Variants in CEP104 observed in about 807,000 individuals in gnomAD.
CEP104 encodes centrosomal protein of 104 kDa.
In CEP104, 84 loss-of-function variants were observed where a neutral mutation model predicts 113.3. The observed-to-expected ratio is 0.74, with a 90% CI of 0.62 to 0.89. The LOEUF (loss-of-function observed/expected upper bound fraction) is 0.89, where lower values mean the gene tolerates loss of function less well. Ranked by LOEUF, CEP104 falls within the 40% of genes least tolerant of loss-of-function variation. The pLI, the probability that CEP104 is intolerant of heterozygous loss-of-function variation, is 0.00. For synonymous variants in CEP104, 378 were observed against 421.7 expected (o/e 0.90, Z 1.27); for missense variants, 1,053 against 1,156.6 (o/e 0.91, Z 1.30).
Position 3,836,578 on chromosome 1 carries a change from C to T in CEP104, c.1234G>A (p.Gly412Ser), listed in dbSNP as rs548273305. The change falls in exon 10 of 22, where the codon GGC (glycine) becomes AGC (serine). Residue 412 changes from glycine to serine, a missense_variant. Physicochemically the swap from Gly to Ser is moderately conservative, Grantham distance 56. Transcript: ENST00000378230. The part of the protein sequence containing the change: ...NADISDARRG[G>S]MLGEPEPLTE... ...AAGGGCTCTGGCTCCCCTAACATGC[C>T]TCCCCTCCGAGCATCGCTGATGTCT... 1 of 1,610,478 alleles carries T rather than the reference C, an allele frequency of 6.2e-7. No homozygotes were observed. Among genetic ancestry groups the T allele is most frequent in the East Asian group, 2.2e-5 (1 of 44,750 alleles).
chr1:3,821,944 C>T (rs1302236472), intron 20 of CEP104, among the ~76,000 whole-genome samples: 2 of 152,182 alleles, frequency 1.3e-5, no homozygotes, highest in Non-Finnish European at 2.9e-5. Context: ...GATGAGATGG[C>T]GGCAATGTGA....
At chr1:3,851,899 G>A (rs1196963466) in intron 2 of CEP104, among the ~76,000 whole-genome samples, 4 of 152,054 alleles carry the variant, frequency 2.6e-5, no homozygotes, top group Non-Finnish European at 5.9e-5. Context: ...TATAAAAACA[G>A]TTAGACACAC....
Position 3,848,718 on chromosome 1 carries a change from C to A in CEP104, c.177G>T (p.Leu59=). 1 of 1,613,638 alleles carries A rather than the reference C, an allele frequency of 6.2e-7. No homozygotes were observed. Among genetic ancestry groups the A allele is most frequent in the Non-Finnish European group, 8.5e-7 (1 of 1,179,828 alleles). Residue 59 remains leucine, a synonymous_variant, in exon 3 of 22, where the codon CTG becomes CTT. Transcript: ENST00000378230. ...QMVERCRIRK[L]QLLAHQYMIS... is the part of the protein sequence containing the mutation. ...TCATATACTGGTGAGCAAGTAACTG[C>A]AGTTTCCTTATTCGACATCTCTCCA...
At chr1:3,818,637 C>G (rs1643916071) in intron 20 of CEP104, among the ~76,000 whole-genome samples, 1 of 152,254 alleles carries the variant, frequency 6.6e-6, no homozygotes, top group Non-Finnish European at 1.5e-5. Context: ...GCCTTCCACT[C>G]ACTTTGAAGA....
intron 4 of CEP104, among the ~76,000 whole-genome samples, chr1:3,846,073 T>C (rs1644500952): frequency 8.9e-6 from 1 of 112,174 alleles, no homozygotes; most frequent in Non-Finnish European, 1.7e-5. Flanking sequence ...GAGTCAAGAG[T>C]GAAACTCCGT....
chr1:3,836,467 CG>C, intron 10 of CEP104, 27 bp downstream of exon 10: 1 of 1,187,200 alleles, frequency 8.4e-7, no homozygotes, highest in African/African-American at 2.0e-5. Context: ...TCTGCCACCC[CG>C]TTTTTTTTTT....
intron 10 of CEP104, among the ~76,000 whole-genome samples, chr1:3,836,090 A>AGGAGATCGAGACCATCCTGGCTAACGTG (rs1553162858): frequency 3.9e-5 from 6 of 152,212 alleles, no homozygotes; most frequent in Middle Eastern, 6.8e-3. Context: ...TCACAAGATC[A>AGGAGATCGAGACCATCCTGGCTAACGTG]GGAGATCGAG....
At chr1:3,826,264 GA>G (rs1009728880) in intron 17 of CEP104, 105 bp downstream of exon 17, 2 of 907,526 alleles carry the variant, frequency 2.2e-6, no homozygotes, top group Non-Finnish European at 3.6e-6. Flanking sequence ...TACCTTTTAT[GA>G]TGACTACGAA....
chr1:3,855,110 G>A lies in CEP104; in HGVS notation c.-15+1779C>T, dbSNP rs1467239386. 2.0e-5 allele frequency among the ~76,000 whole-genome samples: 3 copies of A among 150,530 alleles called. No homozygotes were observed. In the East Asian group the frequency reaches 5.9e-4, roughly 29 times the overall value. ...TGGTCTCGAACTCCTGACCTTAGGT[G>A]ATCCACCCGCCTCAGCCTCCCAAAG... On this transcript the variant is annotated intron_variant, in intron 1 of 21. Coordinates refer to ENST00000378230, the MANE Select transcript of CEP104 (RefSeq NM_014704.4).
Position 3,825,814 on chromosome 1 carries a change from C to A in CEP104, c.2308G>T (p.Asp770Tyr), listed in dbSNP as rs761630270. Residue 770 changes from aspartate (D) to tyrosine (Y), a missense_variant, in exon 18 of 22, where the codon GAT (aspartate) becomes TAT (tyrosine). By Grantham distance (160) the Asp-to-Tyr change is radical (BLOSUM62 -3). Coordinates refer to ENST00000378230, the MANE Select transcript of CEP104 (RefSeq NM_014704.4). ...RSESFTEEGLDLHYWKHCLML... is the reference protein window; with the variant it reads ...RSESFTEEGLYLHYWKHCLML... ...AGACAGTGCTTCCAGTAGTGGAGAT[C>A]CAGACCTTCCTCTGTGAAGGATTCA... is the stretch of plus-strand genomic sequence containing the variant. 6 of 1,613,918 alleles carry A rather than the reference C, an allele frequency of 3.7e-6. No individual in the cohort carries two copies. Among genetic ancestry groups the A allele is most frequent in the Non-Finnish European group, 4.2e-6 (5 of 1,179,914 alleles).
At chr1:3,827,158 C>T (rs1047472648) in intron 15 of CEP104, among the ~76,000 whole-genome samples, 1 of 152,186 alleles carries the variant, frequency 6.6e-6, no homozygotes, top group Non-Finnish European at 1.5e-5. Context: ...AAAACACATG[C>T]AGAAGTGCAA....
At position 3,812,868 on chromosome 1, in the gene CEP104, C is replaced by G. The variant is rs1643818144; in HGVS notation, c.*2534G>C. The G allele has an allele frequency of 6.6e-6, 1 of 151,774 alleles. No individual in the cohort carries two copies. The highest frequency in any genetic ancestry group is 1.5e-5 in the Non-Finnish European group (1 of 67,952). The allele number at this position is 151,774 out of a possible 1,614,324, so 9.4% of individuals were successfully genotyped here. A position where few individuals can be genotyped will look rare whatever the true frequency, so the allele number is the denominator to read the frequency against. On this transcript the variant is annotated 3_prime_UTR_variant, in exon 22 of 22. Transcript: ENST00000378230. ...CCCCACCACCCCCGCAAAACAAAAA[C>G]AAAAACAAAAAAACAACAAAAAAAC... is the stretch of plus-strand genomic sequence containing the variant.
intron 20 of CEP104, among the ~76,000 whole-genome samples, chr1:3,820,001 G>C (rs1000530193): frequency 3.9e-5 from 6 of 152,156 alleles, no homozygotes; most frequent in African/African-American, 1.4e-4. Flanking sequence ...AGGGCTGACA[G>C]ATGAGAATGA....
chr1:3,837,618 T>C (rs940970938), intron 8 of CEP104, 99 bp from the exon 9 acceptor site: 2 of 1,019,210 alleles, frequency 2.0e-6, no homozygotes, highest in Admixed American at 2.5e-5. Flanking sequence ...AAAGCTGTGC[T>C]GGAAGAGGCT....
chr1:3,833,160 T>C (rs1183348641), intron 12 of CEP104, among the ~76,000 whole-genome samples: 1 of 152,054 alleles, frequency 6.6e-6, no homozygotes, highest in East Asian at 1.9e-4. Context: ...TTTGGATTTT[T>C]AGTACAGAAG....
Position 3,831,124 on chromosome 1 carries a change from ACT to A in CEP104, c.1756_1757del (p.Gln587AspfsTer21), listed in dbSNP as rs751783925. On this transcript the variant is annotated frameshift_variant, in exon 13 of 22. Coordinates refer to ENST00000378230, the MANE Select transcript of CEP104 (RefSeq NM_014704.4). LOFTEE classifies it high-confidence loss of function. Reference protein sequence around the residue: ...KANSSVHLAMSQMGLLARLLK... With the variant: ...KANSSVHLAMXQMGLLARLLK... ...GCAGCCGGGCCAGGAGGCCCATCTG[ACT>A]CATTGCCAGGTGAACTGAAGAGTTT... 15 of 1,614,208 alleles carry A rather than the reference ACT, an allele frequency of 9.3e-6. No homozygotes were observed. The highest frequency in any genetic ancestry group is 1.2e-5 in the Non-Finnish European group (14 of 1,180,044).
At chr1:3,854,673 C>T (rs1236639608) in intron 1 of CEP104, among the ~76,000 whole-genome samples, 1 of 134,110 alleles carries the variant, frequency 7.5e-6, no homozygotes, top group African/African-American at 2.9e-5. Flanking sequence ...TTAGTAGAGA[C>T]GGGGTTTTGC....
intron 20 of CEP104, among the ~76,000 whole-genome samples, chr1:3,816,760 G>A (rs983087179): frequency 1.3e-5 from 2 of 152,254 alleles, no homozygotes; most frequent in African/African-American, 4.8e-5. Context: ...CGGGCTCCCC[G>A]CCAGCCTGCT....
rs771168215 is a variant in CEP104, at chr1:3,829,359, C to T, written c.2058G>A (p.Ala686=). The change falls in exon 15 of 22, where the codon GCG becomes GCA. Residue 686 remains alanine (A), a synonymous_variant. Transcript: ENST00000378230. ...TTTGTTTTTCTGCTTCTTCTGTAGC[C>T]GCTTTTCTCCGTGCCTGGTAAGAAA... The part of the protein sequence containing the change: ...TDAEMRARRK[A]ATEEAEKQKK... The T allele has an allele frequency of 6.2e-6, 10 of 1,609,734 alleles. No individual in the cohort carries two copies. Among genetic ancestry groups the T allele is most frequent in the African/African-American group, 2.7e-5 (2 of 74,590 alleles).
Sources: gnomAD v4.1 joint callset for allele counts (sites outside exome capture counted in the v4.1 genomes callset) on GRCh38, gnomAD v4.1.1 for gene constraint, MANE v1.5 for transcripts, NCBI Gene and HGNC (gene_info 2026-07-23, HGNC 2026-07-21) for gene names.